Variants in GAS6 observed in about 807,000 individuals in gnomAD.
The protein encoded by GAS6 is growth arrest specific 6.
A neutral mutation model predicts 75.8 loss-of-function variants in GAS6; 41 were observed. The ratio of observed to expected loss-of-function variants is 0.54; its 90% CI spans 0.42 to 0.70. GAS6 has a LOEUF of 0.70. Among genes scored for constraint, GAS6 ranks in the 30% least tolerant of loss-of-function variants. The pLI is 0.00. For synonymous variants in GAS6, 432 were observed against 412.6 expected (o/e 1.05, Z -0.57); for missense variants, 854 against 940.2 (o/e 0.91, Z 1.20).
In GAS6 at chr13:113,822,418, G is replaced by A. The variant is rs2051473277; in HGVS notation, c.1654-232C>T. 6.7e-6 allele frequency: 3 copies of A among 445,920 alleles called. No individual in the cohort carries two copies. The South Asian group carries it at 1.5e-4, about 22-fold the overall frequency. The allele number at this position is 445,920 out of a possible 1,614,324, so 27.6% of individuals were successfully genotyped here. ...AGGGGCCAGCCTGGGAGGCTGTGGG[G>A]GAACAAGTGTGGCCCCCAGGTTGGG... On this transcript the variant is annotated intron_variant, in intron 13 of 14. Coordinates refer to ENST00000327773, the MANE Select transcript of GAS6 (RefSeq NM_000820.4).
intron 4 of GAS6, chr13:113,842,642 G>C (rs1328731295): frequency 5.0e-6 from 2 of 397,146 alleles, no homozygotes; most frequent in Non-Finnish European, 8.8e-6. Flanking sequence ...CTGGGGGCAG[G>C]AGGGAGTCAG....
At chr13:113,858,807 CTA>C (rs1160665435) in intron 2 of GAS6, among the ~76,000 whole-genome samples, 8 of 147,270 alleles carry the variant, frequency 5.4e-5, no homozygotes, top group African/African-American at 1.8e-4. Flanking sequence ...GTATGTATGT[CTA>C]TGTGAATGTG....
At chr13:113,850,960 TAA>T (rs985723286) in intron 2 of GAS6, among the ~76,000 whole-genome samples, 1 of 152,010 alleles carries the variant, frequency 6.6e-6, no homozygotes, top group Non-Finnish European at 1.5e-5. Context: ...CATGGATGGA[TAA>T]GTGAGTGGAT....
chr13:113,853,340 G>A (rs538149044), intron 2 of GAS6, among the ~76,000 whole-genome samples: 4 of 152,172 alleles, frequency 2.6e-5, no homozygotes, highest in East Asian at 1.9e-4. Flanking sequence ...TTAAGGGCAC[G>A]GCCCGACCTG....
intron 2 of GAS6, among the ~76,000 whole-genome samples, chr13:113,856,469 C>T (rs1478444356): frequency 3.3e-5 from 5 of 152,126 alleles, no homozygotes; most frequent in Non-Finnish European, 7.3e-5. Context: ...AACAACTTCA[C>T]ACATGGAGAC....
chr13:113,832,225 T>C (rs1246736450), intron 10 of GAS6, 74 bp downstream of exon 10: 1 of 1,495,516 alleles, frequency 6.7e-7, no homozygotes, highest in Non-Finnish European at 9.0e-7. Context: ...AACGGTTGCA[T>C]AAGCGAGTGA....
At position 113,862,246 on chromosome 13, in the gene GAS6, G is replaced by A. The variant is rs188383627; in HGVS notation, c.255+1329C>T. Among the ~76,000 whole-genome samples the A allele has an allele frequency of 3.5e-4, 53 of 152,340 alleles. No homozygotes were observed. In the East Asian group the frequency reaches 6.4e-3, roughly 18 times the overall value. On this transcript the variant is annotated intron_variant, in intron 2 of 14. Transcript: ENST00000327773. ...CTGCGGCCAGGCCTTGCAGGGCTGCGCGGAGCGGGTACTGTGGGGTGGGGG... is the reference window on the plus strand; with the variant it reads ...CTGCGGCCAGGCCTTGCAGGGCTGCACGGAGCGGGTACTGTGGGGTGGGGG...
At chr13:113,826,269 G>A (rs895235614) in intron 12 of GAS6, among the ~76,000 whole-genome samples, 13 of 152,160 alleles carry the variant, frequency 8.5e-5, no homozygotes, top group South Asian at 2.1e-4. Flanking sequence ...CCGGGTCATC[G>A]GTGACCACGG....
At chr13:113,846,724 C>A in intron 3 of GAS6, 135 bp from the exon 4 acceptor site, 1 of 703,304 alleles carries the variant, frequency 1.4e-6, no homozygotes, top group Non-Finnish European at 2.5e-6. Context: ...GAAACAATGC[C>A]GCTTAGCTTG....
At chr13:113,835,478 C>T (rs375326181) in intron 7 of GAS6, 35 bp downstream of exon 7, 1 of 1,605,270 alleles carries the variant, frequency 6.2e-7, no homozygotes, top group Non-Finnish European at 8.5e-7. Context: ...ACTTGGGCGT[C>T]AGAGAAAGCG....
rs2051486988 is a variant in GAS6, at chr13:113,823,414, T to C, written c.1614A>G (p.Ala538=). ...PDLRAVPLSV[A]LVDYHSTKKL... ...TCTTCGTGGAGTGATAGTCTACCAG[T>C]GCCACAGAGAGAGGCACGGCACGGA... The change falls in exon 13 of 15, where the codon GCA becomes GCG. Residue 538 remains alanine (A), a synonymous_variant. Coordinates refer to ENST00000327773, the MANE Select transcript of GAS6 (RefSeq NM_000820.4). The C allele has an allele frequency of 6.2e-7, 1 of 1,612,566 alleles. No individual in the cohort carries two copies. Among genetic ancestry groups the C allele is most frequent in the Non-Finnish European group, 8.5e-7 (1 of 1,179,830 alleles).
rs1367088132 is a variant in GAS6, at chr13:113,840,022, G to A, written c.344-172C>T. 4.5e-6 allele frequency: 4 copies of A among 882,908 alleles called. No individual in the cohort carries two copies. The African/African-American group carries it at 6.8e-5, about 15-fold the overall frequency. 54.7% of individuals were successfully genotyped at this position (882,908 alleles called of 1,614,324 possible). ...GAGCCCTCTGTGCTGGCCTAGGGCT[G>A]ACAGAATAGGCTGGCGGGCCCTGGG... On this transcript the variant is annotated intron_variant, in intron 4 of 14. Transcript: ENST00000327773.
chr13:113,842,953 C>T, intron 4 of GAS6: 1 of 396,532 alleles, frequency 2.5e-6, no homozygotes, highest in Non-Finnish European at 4.4e-6. Flanking sequence ...ACTCATGCCA[C>T]CTGCCCCGGG....
Position 113,821,005 on chromosome 13 carries a change from A to C in GAS6, c.1896T>G (p.Thr632=). Residue 632 remains threonine (T), a synonymous_variant, in exon 15 of 15, where the codon ACT becomes ACG. Transcript: ENST00000327773. ...FAGGLPDVPV[T]SAPVTAFYRG... is the part of the protein sequence containing the mutation. ...GGTAGAACGCGGTGACTGGCGCTGA[A>C]GTCACCGGCACATCTGGGCCGCAGG... is the stretch of plus-strand genomic sequence containing the variant. 6.2e-7 allele frequency: 1 copy of C among 1,612,484 alleles called. No individual in the cohort carries two copies. Among genetic ancestry groups the C allele is most frequent in the Non-Finnish European group, 8.5e-7 (1 of 1,179,852 alleles).
chr13:113,820,980 G>A lies in GAS6; in HGVS notation c.1921C>T (p.Arg641Cys), dbSNP rs1036128775. ...VTSAPVTAFY[R>C]GCMTLEVNRR... is the part of the protein sequence containing the mutation. ...TTGACCTCCAGTGTCATGCAGCCGCGGTAGAACGCGGTGACTGGCGCTGAA... is the reference window on the plus strand; with the variant it reads ...TTGACCTCCAGTGTCATGCAGCCGCAGTAGAACGCGGTGACTGGCGCTGAA... Residue 641 changes from arginine (R) to cysteine (C), a missense_variant, in exon 15 of 15, where the codon CGC becomes TGC. Physicochemically the swap from Arg to Cys is radical, Grantham distance 180. Transcript: ENST00000327773. 8 of 1,612,692 alleles carry A rather than the reference G, an allele frequency of 5.0e-6. No individual in the cohort carries two copies. The highest frequency in any genetic ancestry group is 1.7e-4 in the Middle Eastern group (1 of 5,998).
At chr13:113,853,324 AGGGGATTAAGGGCAC>A (rs1390674832) in intron 2 of GAS6, among the ~76,000 whole-genome samples, 1 of 152,206 alleles carries the variant, frequency 6.6e-6, no homozygotes, top group Non-Finnish European at 1.5e-5. Flanking sequence ...AGGGGCAGCC[AGGGGATTAAGGGCAC>A]GGCCCGACCT....
intron 4 of GAS6, chr13:113,842,346 T>C (rs965974488): frequency 1.3e-5 from 5 of 378,664 alleles, no homozygotes; most frequent in Admixed American, 9.1e-5. Context: ...AGCAGGTCAC[T>C]ATAAACGCTT....
intron 12 of GAS6, 62 bp from the exon 13 acceptor site, chr13:113,823,612 G>C: frequency 6.7e-7 from 1 of 1,503,096 alleles, no homozygotes; most frequent in Non-Finnish European, 9.1e-7. Flanking sequence ...AGTGAGGTCG[G>C]AGCAGGGCCT....
Position 113,846,519 on chromosome 13 carries a change from C to T in GAS6, c.343+8G>A, listed in dbSNP as rs184642057. ...GCTCCCAGGAAGGCGCAAAGGAGGC[C>T]GACTTACTTTGCACGCAGGTGGCGA... On this transcript the variant is annotated splice_region_variant and intron_variant, in intron 4 of 14. Coordinates refer to ENST00000327773, the MANE Select transcript of GAS6 (RefSeq NM_000820.4). 134 of 1,613,864 alleles carry T rather than the reference C, an allele frequency of 8.3e-5. No homozygotes were observed. The highest frequency in any genetic ancestry group is 2.1e-4 in the South Asian group (19 of 91,068).
Sources: gnomAD v4.1 joint callset for allele counts (sites outside exome capture counted in the v4.1 genomes callset) on GRCh38, gnomAD v4.1.1 for gene constraint, MANE v1.5 for transcripts, NCBI Gene and HGNC (gene_info 2026-07-23, HGNC 2026-07-21) for gene names.